The following NR2C2 variants were observed in gnomAD, a reference collection of about 807,000 sequenced individuals.
NR2C2 encodes the protein Nuclear hormone receptor TR4.
Under a neutral mutation model 62.9 loss-of-function variants are expected in NR2C2, and 6 were observed. The observed-to-expected ratio is 0.10, with a 90% CI of 0.05 to 0.19. The LOEUF (loss-of-function observed/expected upper bound fraction) is 0.19, where lower values mean the gene tolerates loss of function less well. NR2C2 is among the 10% of genes least tolerant of loss of function. The probability of loss-of-function intolerance (pLI) is 1.00; values close to 1 mark genes in which losing one functional copy is unlikely to be tolerated. For missense variants in NR2C2, 479 were observed against 762.7 expected, an observed-to-expected ratio of 0.63 and a Z score of 4.38; for synonymous variants, 272 against 273.8, an observed-to-expected ratio of 0.99 and a Z score of 0.07.
rs957131618 is a variant in NR2C2 at position 15,044,023 on chromosome 3, G to C, written c.*1015G>C. On this transcript the variant is annotated 3_prime_UTR_variant, in exon 14 of 14. Coordinates refer to ENST00000425241, the MANE Select transcript of NR2C2 (RefSeq NM_001291694.2). ...CTTGTGTGTTTGTCCAGATGGAGGA[G>C]TGTGGCCTTGGAGTGTGAGCGTTAC... 1 of 152,320 alleles carries C rather than the reference G, an allele frequency of 6.6e-6. No homozygotes were observed. The allele number at this position is 152,320 out of a possible 1,614,324, so 9.4% of individuals were successfully genotyped here. A position where few individuals can be genotyped will look rare whatever the true frequency, so the allele number is the denominator to read the frequency against.
chr3:14,957,135 T>A (rs2039550082), intron 1 of NR2C2, among the ~76,000 whole-genome samples: 1 of 152,218 alleles, frequency 6.6e-6, no homozygotes, highest in Non-Finnish European at 1.5e-5. Flanking sequence ...CCAATATAGT[T>A]GTTTAGCTAA....
intron 8 of NR2C2, 116 bp from the exon 9 acceptor site, chr3:15,030,159 T>TCCTA: frequency 2.2e-6 from 2 of 896,442 alleles, no homozygotes; most frequent in Admixed American, 2.9e-5. Flanking sequence ...ACCCCATCTC[T>TCCTA]ACGGTAGAAT....
At chr3:14,953,491 C>T (rs2039429964) in intron 1 of NR2C2, among the ~76,000 whole-genome samples, 1 of 152,144 alleles carries the variant, frequency 6.6e-6, no homozygotes, top group Admixed American at 6.5e-5. Context: ...TGAAGGCTTC[C>T]TGGTTTTACA....
At chr3:14,992,559 TAGGA>T (rs1367641586) in intron 1 of NR2C2, among the ~76,000 whole-genome samples, 2 of 152,002 alleles carry the variant, frequency 1.3e-5, no homozygotes, top group African/African-American at 2.4e-5. Flanking sequence ...AACAGAGAAA[TAGGA>T]AATGTGGTGT....
rs1345807573 is a variant in NR2C2, at chr3:15,046,039, C to T, written c.*3031C>T. 6.6e-6 allele frequency: 1 copy of T among 152,312 alleles called. No homozygotes were observed. The highest frequency in any genetic ancestry group is 1.5e-5 in the Non-Finnish European group (1 of 68,036). 9.4% of individuals were successfully genotyped at this position (152,312 alleles called of 1,614,324 possible). On this transcript the variant is annotated 3_prime_UTR_variant, in exon 14 of 14. Coordinates refer to ENST00000425241, the MANE Select transcript of NR2C2 (RefSeq NM_001291694.2). The stretch of plus-strand genomic sequence containing the variant: ...GGACAGGAAGAGATTTTTTGAAAGA[C>T]CAAATTAGTTGAGCAAGTAATACTT...
intron 1 of NR2C2, among the ~76,000 whole-genome samples, chr3:14,951,741 GT>G (rs777593784): frequency 6.6e-6 from 1 of 151,172 alleles, no homozygotes; most frequent in Non-Finnish European, 1.5e-5. Flanking sequence ...ATGGCTGGAA[GT>G]TTTTTTTGTG....
At chr3:15,025,062 T>C (rs1309384846) in intron 7 of NR2C2, among the ~76,000 whole-genome samples, 1 of 152,252 alleles carries the variant, frequency 6.6e-6, no homozygotes, top group Non-Finnish European at 1.5e-5. Flanking sequence ...CTTCTGTCTT[T>C]GGGCAGGGGC....
intron 5 of NR2C2, among the ~76,000 whole-genome samples, chr3:15,021,334 G>C (rs187316082): frequency 3.5e-4 from 54 of 152,306 alleles, no homozygotes; most frequent in Admixed American, 3.3e-3. Flanking sequence ...TATTGCTCCT[G>C]AGGATTACAT....
At chr3:15,026,384 A>G (rs905436778) in intron 7 of NR2C2, 1 of 152,192 alleles carries the variant, frequency 6.6e-6, no homozygotes, top group Non-Finnish European at 1.5e-5. Flanking sequence ...TGTATAATGT[A>G]GTGGTTTTTG....
chr3:14,958,979 A>AAT (rs974477739), intron 1 of NR2C2, among the ~76,000 whole-genome samples: 7 of 152,268 alleles, frequency 4.6e-5, no homozygotes, highest in Admixed American at 6.5e-5. Context: ...CGTCTCAAAA[A>AAT]ATATATATAT....
chr3:14,980,483 A>G (rs1346988918), intron 1 of NR2C2, among the ~76,000 whole-genome samples: 1 of 152,154 alleles, frequency 6.6e-6, no homozygotes, highest in Non-Finnish European at 1.5e-5. Flanking sequence ...ACTCTTAAGA[A>G]TGGGAAAGCA....
intron 4 of NR2C2, 47 bp downstream of exon 4, chr3:15,016,301 T>A (rs529810558): frequency 5.9e-6 from 8 of 1,356,148 alleles, no homozygotes; most frequent in Non-Finnish European, 8.4e-6. Flanking sequence ...GCCAACAGCA[T>A]GAAGTAACTG....
chr3:15,028,463 C>T (rs768538207), intron 7 of NR2C2, 123 bp from the exon 8 acceptor site: 2 of 788,934 alleles, frequency 2.5e-6, no homozygotes, highest in South Asian at 1.9e-5. Flanking sequence ...CTCGTGTTGC[C>T]CCTTTGTAGT....
rs767769123 is a variant in NR2C2 at position 15,038,159 on chromosome 3, C to T, written c.1510+22C>T. 3.1e-6 allele frequency: 5 copies of T among 1,596,220 alleles called. No homozygotes were observed. The Admixed American group carries it at 8.7e-5, about 28-fold the overall frequency. ...CCCGGTAAGATATGCGGTGGGGATG[C>T]ATGACCCCTTTCCACCTGTATCTAC... On this transcript the variant is annotated intron_variant, in intron 12 of 13. Transcript: ENST00000425241.
chr3:14,962,090 GGT>G lies in NR2C2; in HGVS notation c.-40+14188_-40+14189del, dbSNP rs146725407. Among the ~76,000 whole-genome samples the G allele has an allele frequency of 4.6e-4, 70 of 152,286 alleles. No homozygotes were observed. The East Asian group carries it at 6.0e-3, about 13-fold the overall frequency. Reference sequence around the variant, plus strand: ...ACTGTGACAGGGAACTATCCAAAAAGGTGTGATTCCCACCTCCCTGAGAGGTA... The same window carrying G: ...ACTGTGACAGGGAACTATCCAAAAAGGTGATTCCCACCTCCCTGAGAGGTA... On this transcript the variant is annotated intron_variant, in intron 1 of 13. Coordinates refer to ENST00000425241, the MANE Select transcript of NR2C2 (RefSeq NM_001291694.2).
chr3:14,994,857 G>A (rs947754311), intron 1 of NR2C2, among the ~76,000 whole-genome samples: 1 of 150,454 alleles, frequency 6.6e-6, no homozygotes, highest in Non-Finnish European at 1.5e-5. Context: ...CCAGGCTGCA[G>A]TGAGCTATGA....
intron 7 of NR2C2, among the ~76,000 whole-genome samples, chr3:15,028,255 G>C (rs747337883): frequency 1.3e-5 from 2 of 152,130 alleles, no homozygotes; most frequent in Non-Finnish European, 2.9e-5. Flanking sequence ...GACATGATTC[G>C]CAAATATTTT....
intron 1 of NR2C2, among the ~76,000 whole-genome samples, chr3:14,961,430 ACT>A (rs1472053190): frequency 1.3e-5 from 2 of 152,214 alleles, no homozygotes; most frequent in Non-Finnish European, 2.9e-5. Flanking sequence ...TATATTGCAC[ACT>A]CAATAATACT....
Position 15,030,277 on chromosome 3 carries a change from C to T in NR2C2, c.935C>T (p.Ala312Val). Residue 312 changes from alanine to valine, a missense_variant and splice_region_variant, in exon 9 of 14, where the codon GCA becomes GTA. Around this residue, in one of 4 missense-constraint regions of NR2C2, gnomAD observed 151 missense variants for 176.1 expected, o/e 0.86. Transcript: ENST00000425241. Reference protein sequence around the residue: ...EDQSASEITRAFDTLAKALNT... With the variant: ...EDQSASEITRVFDTLAKALNT... ...ACATGCTTCATTTTTGCTCACAGGG[C>T]ATTTGATACCTTAGCTAAAGCACTT... 6.2e-7 allele frequency: 1 copy of T among 1,609,084 alleles called. No individual in the cohort carries two copies. The highest frequency in any genetic ancestry group is 1.1e-5 in the South Asian group (1 of 90,000).
Sources: gnomAD v4.1 joint callset for allele counts (sites outside exome capture counted in the v4.1 genomes callset) on GRCh38, gnomAD v4.1.1 for gene constraint, gnomAD v4.1.1 regional missense constraint, MANE v1.5 for transcripts, NCBI Gene and HGNC (gene_info 2026-07-23, HGNC 2026-07-21) for gene names.